CCDC7: variants seen among roughly 807,000 people sequenced by gnomAD.
The protein encoded by CCDC7 is coiled-coil domain-containing protein 7.
Under a neutral mutation model 196.9 loss-of-function variants are expected in CCDC7, and 183 were observed. That is an observed-to-expected ratio of 0.93 (90% confidence interval 0.82 to 1.05). The LOEUF is 1.05. Among genes scored for constraint, CCDC7 ranks in the 50% least tolerant of loss-of-function variants. The probability of loss-of-function intolerance (pLI) is 0.00; values close to 1 mark genes in which losing one functional copy is unlikely to be tolerated. For missense variants in CCDC7, 1,540 were observed against 1,482.2 expected, an observed-to-expected ratio of 1.04 and a Z score of -0.64; for synonymous variants, 525 against 484.6, an observed-to-expected ratio of 1.08 and a Z score of -1.10.
At chr10:32,825,900 G>T (rs1374128233) in intron 32 of CCDC7, among the ~76,000 whole-genome samples, 1 of 152,200 alleles carries the variant, frequency 6.6e-6, no homozygotes, top group African/African-American at 2.4e-5. Flanking sequence ...ATGGGGATGT[G>T]TGGGAGGACC....
chr10:32,805,767 G>A (rs2085700010), intron 30 of CCDC7, among the ~76,000 whole-genome samples: 1 of 152,210 alleles, frequency 6.6e-6, no homozygotes, highest in South Asian at 2.1e-4. Context: ...CTGTTTTATT[G>A]TAGGAACGGC....
intron 18 of CCDC7, among the ~76,000 whole-genome samples, chr10:32,626,584 A>G (rs975868774): frequency 6.6e-5 from 10 of 151,710 alleles, no homozygotes; most frequent in Admixed American, 4.6e-4. Context: ...ACACTTGTCT[A>G]TTTTTGCTTT....
At chr10:32,474,994 T>C (rs73251524) in intron 8 of CCDC7, among the ~76,000 whole-genome samples, 7,960 of 152,264 alleles carry the variant, frequency 0.052, 691 homozygotes, top group African/African-American at 0.18. Context: ...TCCCAAGTTC[T>C]ATAGAGATTT....
intron 28 of CCDC7, among the ~76,000 whole-genome samples, chr10:32,763,339 A>G (rs1360698876): frequency 1.3e-5 from 2 of 152,012 alleles, no homozygotes; most frequent in African/African-American, 2.4e-5. Context: ...TAGGATGGCT[A>G]TCATCAAAAA....
chr10:32,645,189 C>G (rs1228868127), intron 20 of CCDC7, among the ~76,000 whole-genome samples: 2 of 151,984 alleles, frequency 1.3e-5, no homozygotes, highest in African/African-American at 4.8e-5. Flanking sequence ...ATAAAAATGA[C>G]AAAAATAACA....
At chr10:32,815,228 G>A (rs1227043538) in intron 31 of CCDC7, among the ~76,000 whole-genome samples, 1 of 151,946 alleles carries the variant, frequency 6.6e-6, no homozygotes, top group African/African-American at 2.4e-5. Flanking sequence ...CAAACACAAG[G>A]AAAAAGGCAA....
intron 24 of CCDC7, among the ~76,000 whole-genome samples, chr10:32,709,215 G>A (rs1008566218): frequency 4.0e-5 from 6 of 150,174 alleles, no homozygotes; most frequent in Admixed American, 6.7e-5. Flanking sequence ...GCAAACTATC[G>A]CAAGGATAAA....
At chr10:32,632,843 G>C (rs2065062256) in intron 18 of CCDC7, among the ~76,000 whole-genome samples, 1 of 152,088 alleles carries the variant, frequency 6.6e-6, no homozygotes, top group Non-Finnish European at 1.5e-5. Flanking sequence ...CTCAAGGCTT[G>C]ATTTATGGCC....
At chr10:32,693,128 T>C (rs891511982) in intron 23 of CCDC7, among the ~76,000 whole-genome samples, 4 of 152,240 alleles carry the variant, frequency 2.6e-5, no homozygotes, top group Non-Finnish European at 4.4e-5. Flanking sequence ...GTTACTGCTT[T>C]TATTTTTTCT....
chr10:32,535,497 C>A (rs1319359929), intron 11 of CCDC7, among the ~76,000 whole-genome samples: 2 of 151,978 alleles, frequency 1.3e-5, no homozygotes, highest in African/African-American at 2.4e-5. Context: ...AGGAAGGATG[C>A]GTGTGTGGGG....
intron 21 of CCDC7, among the ~76,000 whole-genome samples, chr10:32,672,173 C>T (rs1417528282): frequency 1.3e-5 from 2 of 152,112 alleles, no homozygotes; most frequent in Admixed American, 1.3e-4. Context: ...GGCACATGCA[C>T]CTCTGCTGCC....
chr10:32,507,666 G>A (rs774857565), intron 9 of CCDC7, among the ~76,000 whole-genome samples: 4 of 152,048 alleles, frequency 2.6e-5, no homozygotes, highest in Non-Finnish European at 5.9e-5. Context: ...GACCAGGCTG[G>A]TCTTGAACTC....
chr10:32,447,717 C>A (rs2031759811), upstream of CCDC7, among the ~76,000 whole-genome samples: 1 of 151,944 alleles, frequency 6.6e-6, no homozygotes. Context: ...GCTTGGCCAA[C>A]GTGGTGAAAC....
At chr10:32,538,824 G>A (rs1052356618) in intron 11 of CCDC7, among the ~76,000 whole-genome samples, 1 of 152,108 alleles carries the variant, frequency 6.6e-6, no homozygotes, top group African/African-American at 2.4e-5. Context: ...TGCATCCCAG[G>A]GATAGAGCCT....
At chr10:32,660,637 AC>A (rs1203320414) in intron 20 of CCDC7, among the ~76,000 whole-genome samples, 1 of 151,588 alleles carries the variant, frequency 6.6e-6, no homozygotes, top group Non-Finnish European at 1.5e-5. Context: ...TTGGGTATAT[AC>A]CCAGTAATGG....
intron 25 of CCDC7, among the ~76,000 whole-genome samples, chr10:32,717,659 A>G (rs1381087059): frequency 6.6e-6 from 1 of 152,180 alleles, no homozygotes; most frequent in Non-Finnish European, 1.5e-5. Flanking sequence ...ACGAGAGAAG[A>G]ATCAAATAGA....
At chr10:32,628,083 G>C (rs1325253521) in intron 18 of CCDC7, among the ~76,000 whole-genome samples, 2 of 151,914 alleles carry the variant, frequency 1.3e-5, no homozygotes, top group East Asian at 3.9e-4. Context: ...GTTTAAGAAA[G>C]ATTGGTATTA....
chr10:32,726,927 G>A (rs4145863), intron 26 of CCDC7, 95 bp downstream of exon 27: 713,887 of 730,536 alleles, frequency 0.98, 350,565 homozygotes, highest in East Asian at 1. Flanking sequence ...ATTTTAGCAT[G>A]TATTTTATGG....
In CCDC7 at chr10:32,699,613, C is replaced by A. The variant is rs1292508065; in HGVS notation, c.2458+4621C>A. Among the ~76,000 whole-genome samples, 4 of 149,072 alleles carry A rather than the reference C, an allele frequency of 2.7e-5. 1 individual carries two copies. The highest frequency in any genetic ancestry group is 1.0e-4 in the African/African-American group (4 of 38,482). ...CAAATGGTATTTCTAGTTCTAGATC[C>A]CTGAGGAATCGCCACACAGACTTCC... On this transcript the variant is annotated intron_variant, in intron 24 of 41. Transcript: ENST00000639629.
Sources: allele counts gnomAD v4.1 joint callset (sites outside exome capture counted in the v4.1 genomes callset), GRCh38; gene constraint gnomAD v4.1.1; transcripts MANE v1.5; gene names NCBI Gene and HGNC (gene_info 2026-07-23, HGNC 2026-07-21).